The following CYREN variants were observed in gnomAD, a reference collection of about 807,000 sequenced individuals.
CYREN encodes the protein cell cycle regulator of NHEJ.
Under a neutral mutation model 9.7 loss-of-function variants are expected in CYREN, and 7 were observed. That is an observed-to-expected ratio of 0.72 (90% CI 0.41 to 1.36). The LOEUF (loss-of-function observed/expected upper bound fraction) is 1.36. CYREN is among the 40% of genes most tolerant of loss of function. The pLI, the probability that CYREN is intolerant of heterozygous loss-of-function variation, is 0.01. For synonymous variants in CYREN, 76 were observed against 77.9 expected (o/e 0.98, Z 0.13); for missense variants, 215 against 198.1 (o/e 1.09, Z -0.51).
intron 2 of CYREN, among the ~76,000 whole-genome samples, chr7:135,159,751 T>C (rs1427408252): frequency 1.3e-5 from 2 of 152,222 alleles, no homozygotes; most frequent in African/African-American, 4.8e-5. Flanking sequence ...GCAAAAGAAC[T>C]GACAGCACTT....
At chr7:135,115,646 TA>T (rs1326208576) in intron 2 of CYREN, 15 of 1,425,874 alleles carry the variant, frequency 1.1e-5, no homozygotes, top group Admixed American at 7.5e-5. Context: ...CTTATCTATT[TA>T]ACACATCTTT....
intron 2 of CYREN, among the ~76,000 whole-genome samples, chr7:135,112,580 A>G (rs1293058036): frequency 6.6e-6 from 1 of 152,036 alleles, no homozygotes; most frequent in Non-Finnish European, 1.5e-5. Context: ...CTTTGCCCCC[A>G]TCTATAAGTA....
intron 2 of CYREN, among the ~76,000 whole-genome samples, chr7:135,117,982 G>A (rs1478722697): frequency 6.6e-6 from 1 of 152,174 alleles, no homozygotes; most frequent in Non-Finnish European, 1.5e-5. Context: ...TTTGAGCTAA[G>A]GGAAGTAAAA....
chr7:135,160,666 A>AAG (rs1464758748), intron 2 of CYREN, among the ~76,000 whole-genome samples: 1 of 152,094 alleles, frequency 6.6e-6, no homozygotes, highest in East Asian at 1.9e-4. Flanking sequence ...CTGCTGTCCT[A>AAG]AGATGTGTAA....
At chr7:135,098,779 C>A (rs1337086016) in intron 2 of CYREN, among the ~76,000 whole-genome samples, 5 of 152,074 alleles carry the variant, frequency 3.3e-5, no homozygotes, top group African/African-American at 9.7e-5. Flanking sequence ...CAAAAATATC[C>A]TACTTTATCA....
At chr7:135,096,566 T>TAGATAGATAGATAGATAGAC (rs1822789217) in intron 2 of CYREN, among the ~76,000 whole-genome samples, 1 of 27,222 alleles carries the variant, frequency 3.7e-5, no homozygotes, top group African/African-American at 1.2e-4. Flanking sequence ...GAAAGATAGA[T>TAGATAGATAGATAGATAGAC]AGATAGATAG....
At chr7:135,142,993 G>GA in intron 2 of CYREN, among the ~76,000 whole-genome samples, 1 of 152,218 alleles carries the variant, frequency 6.6e-6, no homozygotes, top group East Asian at 1.9e-4. Context: ...AAAAGACCCA[G>GA]AATAGCCAAC....
At chr7:135,122,047 C>T (rs1827212479) in intron 2 of CYREN, among the ~76,000 whole-genome samples, 1 of 152,234 alleles carries the variant, frequency 6.6e-6, no homozygotes, top group Non-Finnish European at 1.5e-5. Context: ...AGCACCACAG[C>T]TGTGTCTGCC....
At chr7:135,112,348 A>G (rs910849562) in intron 2 of CYREN, among the ~76,000 whole-genome samples, 2 of 152,200 alleles carry the variant, frequency 1.3e-5, no homozygotes, top group Non-Finnish European at 2.9e-5. Flanking sequence ...AAACACATTT[A>G]TTTAGCATCT....
chr7:135,145,018 T>C (rs1829521807), intron 2 of CYREN, among the ~76,000 whole-genome samples: 2 of 140,730 alleles, frequency 1.4e-5, no homozygotes, highest in South Asian at 4.5e-4. Context: ...AATGGCAAAC[T>C]GGATACACAT....
At chr7:135,114,623 A>G (rs1054820740) in intron 2 of CYREN, among the ~76,000 whole-genome samples, 4 of 151,964 alleles carry the variant, frequency 2.6e-5, no homozygotes, top group African/African-American at 7.3e-5. Context: ...GAAAATCCAC[A>G]TATGTACCCA....
At chr7:135,098,509 G>A (rs1314373582) in intron 2 of CYREN, among the ~76,000 whole-genome samples, 1 of 152,142 alleles carries the variant, frequency 6.6e-6, no homozygotes, top group Non-Finnish European at 1.5e-5. Flanking sequence ...TTAAATCCAC[G>A]GATGTGGAGC....
intron 2 of CYREN, among the ~76,000 whole-genome samples, chr7:135,146,167 G>T (rs1829540903): frequency 6.6e-6 from 1 of 152,162 alleles, no homozygotes; most frequent in African/African-American, 2.4e-5. Context: ...TGTGTCTCAG[G>T]AATAGGGAGA....
At chr7:135,100,405 A>G (rs372767532) in intron 2 of CYREN, among the ~76,000 whole-genome samples, 8 of 152,192 alleles carry the variant, frequency 5.3e-5, no homozygotes, top group East Asian at 3.8e-4. Flanking sequence ...TTATATCTCT[A>G]TCACCCTTGG....
In CYREN at chr7:135,107,295, G is replaced by T. The variant is rs532189569; in HGVS notation, n.357-12713C>A. ...TGCTCCTGCTTCTCTAGTTATTTTA[G>T]TTGTGAGGTTAGGTTGTTAATTTGA... On this transcript the variant is annotated intron_variant and non_coding_transcript_variant, in intron 2 of 2. Transcript: ENST00000459937. Among the ~76,000 whole-genome samples, 544 of 152,120 alleles carry T rather than the reference G, an allele frequency of 3.6e-3. 1 individual carries two copies. Among genetic ancestry groups the T allele is most frequent in the Non-Finnish European group, 5.5e-3 (377 of 67,980 alleles).
At chr7:135,129,645 G>A (rs2117323745) in intron 2 of CYREN, 1 of 781,242 alleles carries the variant, frequency 1.3e-6, no homozygotes, top group East Asian at 2.4e-5. Context: ...GCTGTTTTAT[G>A]CTGTGGATGT....
chr7:135,116,496 G>A (rs567142576), intron 2 of CYREN, among the ~76,000 whole-genome samples: 1 of 152,252 alleles, frequency 6.6e-6, no homozygotes, highest in Admixed American at 6.5e-5. Context: ...CTCTTCACTA[G>A]GCCTCCTCTG....
chr7:135,130,054 A>T (rs1461594814), intron 2 of CYREN, among the ~76,000 whole-genome samples: 1 of 152,184 alleles, frequency 6.6e-6, no homozygotes, highest in Non-Finnish European at 1.5e-5. Flanking sequence ...TGTCTCTGAG[A>T]AGCTTCCCTC....
intron 2 of CYREN, among the ~76,000 whole-genome samples, chr7:135,102,382 CATTA>C (rs1022021538): frequency 7.9e-5 from 12 of 152,076 alleles, no homozygotes; most frequent in African/African-American, 2.9e-4. Flanking sequence ...TCATTCTATT[CATTA>C]ATTCTTAAAA....
Sources: allele counts gnomAD v4.1 joint callset (sites outside exome capture counted in the v4.1 genomes callset), GRCh38; gene constraint gnomAD v4.1.1; transcripts MANE v1.5; gene names NCBI Gene and HGNC (gene_info 2026-07-23, HGNC 2026-07-21).